The following ABCC4 variants were observed in gnomAD, a reference collection of about 807,000 sequenced individuals.
The protein encoded by ABCC4 is ATP binding cassette subfamily C member 4 (PEL blood group).
A neutral mutation model predicts 168.5 loss-of-function variants in ABCC4; 102 were observed. The observed-to-expected ratio is 0.61, with a 90% CI of 0.52 to 0.71. The LOEUF (loss-of-function observed/expected upper bound fraction) is 0.71, where lower values mean the gene tolerates loss of function less well. Ranked by LOEUF, ABCC4 falls within the 30% of genes least tolerant of loss-of-function variation. The pLI, the probability that ABCC4 is intolerant of heterozygous loss-of-function variation, is 0.00. For missense variants in ABCC4, 1,402 were observed against 1,605.8 expected (o/e 0.87, Z 2.17); for synonymous variants, 617 against 590.7 (o/e 1.04, Z -0.65).
intron 13 of ABCC4, among the ~76,000 whole-genome samples, chr13:95,177,410 T>C (rs1250710175): frequency 6.6e-6 from 1 of 152,204 alleles, no homozygotes; most frequent in African/African-American, 2.4e-5. Context: ...TTCTTGGTTA[T>C]CAACTGTAAT....
chr13:95,136,382 T>A (rs988233529), intron 19 of ABCC4, among the ~76,000 whole-genome samples: 1 of 152,134 alleles, frequency 6.6e-6, no homozygotes, highest in Non-Finnish European at 1.5e-5. Context: ...CTCAAACTCC[T>A]GACCTCAAGT....
intron 1 of ABCC4, among the ~76,000 whole-genome samples, chr13:95,293,291 G>A (rs1335057964): frequency 6.6e-6 from 1 of 151,734 alleles, no homozygotes; most frequent in African/African-American, 2.4e-5. Flanking sequence ...CCGGGAGGCG[G>A]AGGTTGTAGT....
intron 3 of ABCC4, among the ~76,000 whole-genome samples, chr13:95,243,652 C>T (rs775798953): frequency 2.0e-5 from 3 of 152,018 alleles, no homozygotes; most frequent in Non-Finnish European, 2.9e-5. Context: ...TTTGGGAGGG[C>T]GAGGTGGGCC....
chr13:95,218,927 G>GAA (rs376118275), intron 4 of ABCC4, among the ~76,000 whole-genome samples: 8,399 of 42,004 alleles, frequency 0.2, 691 homozygotes, highest in Non-Finnish European at 0.27. Context: ...GAGAAAGAAA[G>GAA]AGAAAGAAAG....
intron 14 of ABCC4, among the ~76,000 whole-genome samples, chr13:95,167,177 C>CATAAATAA (rs57260755): frequency 0.049 from 7,016 of 143,310 alleles, 265 homozygotes; most frequent in African/African-American, 0.1. Flanking sequence ...AACTCCATCT[C>CATAAATAA]ATAAATAAAT....
intron 19 of ABCC4, among the ~76,000 whole-genome samples, chr13:95,140,452 G>A (rs2036283656): frequency 6.6e-6 from 1 of 152,150 alleles, no homozygotes; most frequent in East Asian, 1.9e-4. Context: ...GTGGCCCTAA[G>A]AATCAATATG....
intron 19 of ABCC4, among the ~76,000 whole-genome samples, chr13:95,130,701 T>C (rs2035929640): frequency 6.6e-6 from 1 of 152,194 alleles, no homozygotes; most frequent in South Asian, 2.1e-4. Flanking sequence ...ATAGACTGCA[T>C]TCTTCAAGGA....
intron 19 of ABCC4, among the ~76,000 whole-genome samples, chr13:95,140,156 C>A (rs4148509): frequency 6.6e-6 from 1 of 152,076 alleles, no homozygotes; most frequent in Non-Finnish European, 1.5e-5. Flanking sequence ...GAAGTTTCAG[C>A]GCTAGCCCAG....
intron 15 of ABCC4, among the ~76,000 whole-genome samples, chr13:95,165,939 C>T (rs1729770): frequency 0.32 from 48,611 of 152,064 alleles, 8,495 homozygotes; most frequent in African/African-American, 0.46. Flanking sequence ...CCGCTACTCA[C>T]CTCCTTGACA....
intron 4 of ABCC4, among the ~76,000 whole-genome samples, chr13:95,214,605 G>GC: frequency 6.6e-6 from 1 of 152,190 alleles, no homozygotes; most frequent in South Asian, 2.1e-4. Flanking sequence ...AAAATAACTG[G>GC]CCAGGTGCGG....
chr13:95,047,717 TC>T (rs2032650945), intron 27 of ABCC4, among the ~76,000 whole-genome samples: 1 of 152,094 alleles, frequency 6.6e-6, no homozygotes, highest in South Asian at 2.1e-4. Flanking sequence ...TCTCCTGACC[TC>T]GTGATCCACC....
intron 11 of ABCC4, among the ~76,000 whole-genome samples, chr13:95,184,289 G>A (rs767621358): frequency 6.6e-6 from 1 of 152,212 alleles, no homozygotes; most frequent in South Asian, 2.1e-4. Context: ...GGGTGACCTG[G>A]GACCTGGAGT....
chr13:95,152,452 G>C (rs1305855442), intron 19 of ABCC4, among the ~76,000 whole-genome samples: 1 of 152,112 alleles, frequency 6.6e-6, no homozygotes, highest in East Asian at 1.9e-4. Flanking sequence ...GGGCTCAGGG[G>C]ATTTAGCAAG....
intron 30 of ABCC4, among the ~76,000 whole-genome samples, chr13:95,029,134 G>C (rs993604456): frequency 7.0e-6 from 1 of 142,718 alleles, no homozygotes; most frequent in Non-Finnish European, 1.5e-5. Flanking sequence ...GTCCAGCCTG[G>C]GCAACAGGAG....
At chr13:95,172,979 A>G (rs957557613) in intron 13 of ABCC4, among the ~76,000 whole-genome samples, 1 of 152,196 alleles carries the variant, frequency 6.6e-6, no homozygotes, top group Non-Finnish European at 1.5e-5. Context: ...ACCTTCATTC[A>G]TTCAGTTAAG....
rs745881994 is a variant in ABCC4, at chr13:95,062,687, C to T, written c.3366+17G>A. Reference sequence around the variant, plus strand: ...CTCTTATAAAAGGGGCAGGTAAGGACGCTATGACTTGCATACCTGAGGTAT... The same window carrying T: ...CTCTTATAAAAGGGGCAGGTAAGGATGCTATGACTTGCATACCTGAGGTAT... On this transcript the variant is annotated intron_variant, in intron 26 of 30. Transcript: ENST00000645237. The T allele has an allele frequency of 1.4e-5, 22 of 1,609,474 alleles. No individual in the cohort carries two copies. The highest frequency in any genetic ancestry group is 9.4e-5 in the African/African-American group (7 of 74,604).
intron 1 of ABCC4, among the ~76,000 whole-genome samples, chr13:95,287,511 T>C (rs1420669035): frequency 6.6e-6 from 1 of 151,140 alleles, no homozygotes; most frequent in African/African-American, 2.4e-5. Context: ...CGTTTGAATC[T>C]GGGAGGTAGA....
intron 27 of ABCC4, among the ~76,000 whole-genome samples, chr13:95,045,721 T>C (rs762103000): frequency 2.6e-5 from 4 of 152,112 alleles, no homozygotes; most frequent in Non-Finnish European, 4.4e-5. Context: ...TTGAGAGCTA[T>C]AGAGGAACCA....
At chr13:95,035,204 C>T (rs564664445) in intron 29 of ABCC4, among the ~76,000 whole-genome samples, 28 of 152,020 alleles carry the variant, frequency 1.8e-4, no homozygotes, top group Non-Finnish European at 3.7e-4. Context: ...AATTAATTGC[C>T]GAGCCAGTTT....
Sources: allele counts gnomAD v4.1 joint callset (sites outside exome capture counted in the v4.1 genomes callset), GRCh38; gene constraint gnomAD v4.1.1; transcripts MANE v1.5; gene names NCBI Gene and HGNC (gene_info 2026-07-23, HGNC 2026-07-21).